RASGRP3: variants seen among roughly 807,000 people sequenced by gnomAD.
The protein encoded by RASGRP3 is ras guanyl-releasing protein 3.
Under a neutral mutation model 82.7 loss-of-function variants are expected in RASGRP3, and 54 were observed. The ratio of observed to expected loss-of-function variants is 0.65; its 90% confidence interval spans 0.52 to 0.82. The LOEUF (loss-of-function observed/expected upper bound fraction) is 0.82. RASGRP3 is among the 40% of genes least tolerant of loss of function. The probability of loss-of-function intolerance (pLI) is 0.00; values close to 1 mark genes in which losing one functional copy is unlikely to be tolerated. For missense variants in RASGRP3, 861 were observed against 828.9 expected, an observed-to-expected ratio of 1.04 and a Z score of -0.48; for synonymous variants, 309 against 300.5, an observed-to-expected ratio of 1.03 and a Z score of -0.29.
intron 10 of RASGRP3, among the ~76,000 whole-genome samples, chr2:33,527,690 C>A (rs1356486634): frequency 6.6e-6 from 1 of 152,182 alleles, no homozygotes; most frequent in Non-Finnish European, 1.5e-5. Context: ...CCAGACTGTG[C>A]CTCAGCCCTC....
At chr2:33,466,944 A>G (rs1020477631) in intron 2 of RASGRP3, among the ~76,000 whole-genome samples, 1 of 152,152 alleles carries the variant, frequency 6.6e-6, no homozygotes, top group African/African-American at 2.4e-5. Context: ...CGTTGTGGGC[A>G]GGCTAGTCAA....
At chr2:33,488,544 T>A (rs1312048548) in intron 1 of RASGRP3, among the ~76,000 whole-genome samples, 1 of 151,926 alleles carries the variant, frequency 6.6e-6, no homozygotes, top group African/African-American at 2.4e-5. Context: ...CCATACACAA[T>A]GGAAAAAAAA....
At chr2:33,530,639 C>T (rs1164747981) in intron 10 of RASGRP3, among the ~76,000 whole-genome samples, 1 of 151,878 alleles carries the variant, frequency 6.6e-6, no homozygotes, top group Non-Finnish European at 1.5e-5. Context: ...CTGCTGACAT[C>T]TCATTTATTT....
intron 2 of RASGRP3, among the ~76,000 whole-genome samples, chr2:33,469,494 T>G (rs995382804): frequency 3.3e-5 from 5 of 151,830 alleles, no homozygotes; most frequent in Admixed American, 6.6e-5. Flanking sequence ...GGAGTCTCAT[T>G]CTGTTACCCA....
intron 2 of RASGRP3, among the ~76,000 whole-genome samples, chr2:33,513,577 G>A (rs185016153): frequency 1.5e-4 from 23 of 152,250 alleles, no homozygotes. Context: ...AATCCTCAAT[G>A]GCTGCATTTA....
intron 2 of RASGRP3, among the ~76,000 whole-genome samples, chr2:33,448,873 G>T (rs73926647): frequency 0.01 from 1,524 of 152,280 alleles, 23 homozygotes; most frequent in African/African-American, 0.035. Context: ...GCAAAACGCA[G>T]TGAATTGTAT....
Position 33,467,211 on chromosome 2 carries a change from C to G in RASGRP3, c.-261+19268C>G, listed in dbSNP as rs924120788. 5.9e-5 allele frequency among the ~76,000 whole-genome samples: 9 copies of G among 152,144 alleles called. No homozygotes were observed. In the East Asian group the frequency reaches 1.7e-3, roughly 29 times the overall value. ...CCTAAAGGCAATGCACATTGAACAC[C>G]GGCACTATATTTTTTTCAGTTATTG... is the stretch of plus-strand genomic sequence containing the variant. On this transcript the variant is annotated intron_variant, in intron 2 of 18. Transcript: ENST00000402538.
intron 10 of RASGRP3, among the ~76,000 whole-genome samples, chr2:33,531,557 A>G (rs768189440): frequency 1.3e-4 from 20 of 152,224 alleles, no homozygotes; most frequent in South Asian, 8.3e-4. Flanking sequence ...AACCTTAGTC[A>G]GACACCCATT....
chr2:33,519,567 A>G (rs1236116746), intron 4 of RASGRP3, among the ~76,000 whole-genome samples: 1 of 152,230 alleles, frequency 6.6e-6, no homozygotes, highest in African/African-American at 2.4e-5. Flanking sequence ...AGATCGTGCC[A>G]CTGCACTCCA....
At chr2:33,510,359 G>T (rs555537514) in intron 1 of RASGRP3, among the ~76,000 whole-genome samples, 41 of 152,162 alleles carry the variant, frequency 2.7e-4, no homozygotes, top group African/African-American at 9.6e-4. Context: ...CCAAGAGAAA[G>T]CTTCCCTGTC....
At chr2:33,480,462 C>T (rs1667795141) in intron 1 of RASGRP3, among the ~76,000 whole-genome samples, 1 of 152,196 alleles carries the variant, frequency 6.6e-6, no homozygotes, top group African/African-American at 2.4e-5. Context: ...GAATTGCCTC[C>T]AATCCTTGCT....
In RASGRP3 at chr2:33,520,004, T is replaced by C; in HGVS notation, c.226T>C (p.Tyr76His). The change falls in exon 5 of 18, where the codon TAC (tyrosine) becomes CAC (histidine). Residue 76 changes from tyrosine to histidine, a missense_variant. By Grantham distance (83) the Tyr-to-His change is moderately conservative. Transcript: ENST00000403687. ...SCNEFRLKIC[Y>H]FMRYWILKFP... is the part of the protein sequence containing the mutation. ...CAATGAATTTCGATTAAAGATCTGC[T>C]ACTTCATGAGGTAAATATATTTACA... The C allele has an allele frequency of 6.2e-7, 1 of 1,605,372 alleles. No homozygotes were observed. Among genetic ancestry groups the C allele is most frequent in the Non-Finnish European group, 8.5e-7 (1 of 1,174,798 alleles).
Position 33,464,111 on chromosome 2 carries a change from AT to A in RASGRP3, c.-261+16170del, listed in dbSNP as rs202236815. On this transcript the variant is annotated intron_variant, in intron 2 of 18. Transcript: ENST00000402538. ...ATATTCAAACTTAATAATAATAATA[AT>A]TATTATTATTATTATTATTATTATT... Among the ~76,000 whole-genome samples the A allele has an allele frequency of 6.7e-3, 838 of 125,610 alleles. 6 individuals are homozygous for A. Among genetic ancestry groups the A allele is most frequent in the African/African-American group, 0.02 (556 of 28,462 alleles). 82.4% of individuals were successfully genotyped at this position (125,610 alleles called of 152,430 possible). A position where few individuals can be genotyped will look rare whatever the true frequency, so the allele number is the denominator to read the frequency against.
rs142538531 is a variant in RASGRP3 at position 33,507,198 on chromosome 2, C to A, written c.-260-4512C>A. ...ATCACTTGAGATCAGGAATTCAGAC[C>A]ATCCTGGCCAACATGGTGAAACCCC... is the stretch of plus-strand genomic sequence containing the variant. On this transcript the variant is annotated intron_variant, in intron 1 of 17. Coordinates refer to ENST00000403687, the MANE Select transcript of RASGRP3 (RefSeq NM_001139488.2). 1.8e-4 allele frequency among the ~76,000 whole-genome samples: 28 copies of A among 152,280 alleles called. No homozygotes were observed. In the East Asian group the frequency reaches 5.0e-3, roughly 27 times the overall value.
chr2:33,524,135 T>G (rs1415127290), intron 8 of RASGRP3, 83 bp downstream of exon 8: 1 of 1,490,268 alleles, frequency 6.7e-7, no homozygotes, highest in African/African-American at 1.4e-5. Context: ...AAATGTGGCG[T>G]TCACAGTATA....
chr2:33,462,625 G>A (rs894312094), intron 2 of RASGRP3, among the ~76,000 whole-genome samples: 27 of 152,022 alleles, frequency 1.8e-4, no homozygotes, highest in African/African-American at 5.6e-4. Context: ...TGATTCACCC[G>A]CCTCAGCCTC....
At chr2:33,453,305 G>C (rs1406934020) in intron 2 of RASGRP3, among the ~76,000 whole-genome samples, 5 of 152,130 alleles carry the variant, frequency 3.3e-5, no homozygotes, top group Admixed American at 3.3e-4. Flanking sequence ...GAGATCAAAG[G>C]GTTTTTGATC....
intron 1 of RASGRP3, among the ~76,000 whole-genome samples, chr2:33,499,773 A>T (rs111346493): frequency 4.4e-5 from 6 of 135,654 alleles, no homozygotes; most frequent in African/African-American, 1.6e-4. Context: ...CAAAAAAAAA[A>T]AGAGAGGATA....
At chr2:33,522,394 A>G (rs907032643) in intron 7 of RASGRP3, among the ~76,000 whole-genome samples, 1 of 152,164 alleles carries the variant, frequency 6.6e-6, no homozygotes, top group Non-Finnish European at 1.5e-5. Flanking sequence ...AGGTTGATTT[A>G]GCTCCATTGA....
Sources: gnomAD v4.1 joint callset for allele counts (sites outside exome capture counted in the v4.1 genomes callset) on GRCh38, gnomAD v4.1.1 for gene constraint, MANE v1.5 for transcripts, NCBI Gene and HGNC (gene_info 2026-07-23, HGNC 2026-07-21) for gene names.